C1orf185: variants seen among roughly 807,000 people sequenced by gnomAD.
C1orf185 encodes the protein chromosome 1 open reading frame 185.
Under a neutral mutation model 16.1 loss-of-function variants are expected in C1orf185, and 13 were observed. The ratio of observed to expected loss-of-function variants is 0.81; its 90% CI spans 0.53 to 1.28. C1orf185 has a LOEUF of 1.28. C1orf185 is among the 50% of genes most tolerant of loss of function. The probability of loss-of-function intolerance (pLI) is 0.00; values close to 1 mark genes in which losing one functional copy is unlikely to be tolerated. For synonymous variants in C1orf185, 80 were observed against 76.9 expected, an observed-to-expected ratio of 1.04 and a Z score of -0.21; for missense variants, 220 against 225.2, an observed-to-expected ratio of 0.98 and a Z score of 0.15.
At chr1:51,117,727 T>C (rs982575189) in intron 2 of C1orf185, among the ~76,000 whole-genome samples, 1 of 152,190 alleles carries the variant, frequency 6.6e-6, no homozygotes, top group Non-Finnish European at 1.5e-5. Context: ...AATATTCCAT[T>C]GTTCTTTAAA....
At chr1:51,120,051 G>T (rs2148016375) in intron 3 of C1orf185, among the ~76,000 whole-genome samples, 1 of 152,274 alleles carries the variant, frequency 6.6e-6, no homozygotes, top group African/African-American at 2.4e-5. Context: ...GAAATGAAGA[G>T]AAGTTTGTCG....
Position 51,127,587 on chromosome 1 carries a change from C to G in C1orf185, c.258+8786C>G, listed in dbSNP as rs555494203. On this transcript the variant is annotated intron_variant, in intron 3 of 4. Coordinates refer to ENST00000371759, the MANE Select transcript of C1orf185 (RefSeq NM_001136508.2). ...AGGTGTGAGCCACTGCGCCCAGCAG[C>G]TTTCTGATTTCTGACAAGGTTTAGT... Among the ~76,000 whole-genome samples, 5 of 151,990 alleles carry G rather than the reference C, an allele frequency of 3.3e-5. No homozygotes were observed. The South Asian group carries it at 1.0e-3, about 32-fold the overall frequency.
intron 3 of C1orf185, among the ~76,000 whole-genome samples, chr1:51,144,874 T>C (rs2148033836): frequency 6.6e-6 from 1 of 152,200 alleles, no homozygotes; most frequent in Non-Finnish European, 1.5e-5. Flanking sequence ...ACTCACTCCA[T>C]CCCAAACGCT....
chr1:51,112,616 T>C (rs1646129721), intron 2 of C1orf185, 47 bp downstream of exon 2: 1 of 1,431,428 alleles, frequency 7.0e-7, no homozygotes, highest in African/African-American at 1.5e-5. Flanking sequence ...CTTTTAAAAA[T>C]TCAATAAAGG....
intron 2 of C1orf185, among the ~76,000 whole-genome samples, chr1:51,116,100 A>C (rs1264209581): frequency 6.6e-6 from 1 of 152,080 alleles, no homozygotes; most frequent in African/African-American, 2.4e-5. Context: ...AACTATCACT[A>C]AATTCTATTT....
chr1:51,117,692 C>A lies in C1orf185; in HGVS notation c.123-974C>A, dbSNP rs534242798. Among the ~76,000 whole-genome samples the A allele has an allele frequency of 3.3e-5, 5 of 152,266 alleles. No individual in the cohort carries two copies. The South Asian group carries it at 1.0e-3, about 32-fold the overall frequency. On this transcript the variant is annotated intron_variant, in intron 2 of 4. Coordinates refer to ENST00000371759, the MANE Select transcript of C1orf185 (RefSeq NM_001136508.2). ...CATGTCTTTTCATGCCTTAATAGCTCATTTCTTTCTTTTCAATACTGAAAA... is the reference window on the plus strand; with the variant it reads ...CATGTCTTTTCATGCCTTAATAGCTAATTTCTTTCTTTTCAATACTGAAAA...
chr1:51,108,027 T>G (rs1646086774), intron 1 of C1orf185, among the ~76,000 whole-genome samples: 1 of 152,222 alleles, frequency 6.6e-6, no homozygotes, highest in Non-Finnish European at 1.5e-5. Context: ...AATTGCTGGA[T>G]CGTAAGTATG....
intron 1 of C1orf185, 66 bp downstream of exon 1, chr1:51,102,315 G>T: frequency 1.4e-6 from 1 of 700,994 alleles, no homozygotes; most frequent in South Asian, 1.5e-5. Flanking sequence ...ATATTTAGAC[G>T]AACAACCAGA....
chr1:51,143,909 C>G (rs1646382919), intron 3 of C1orf185, among the ~76,000 whole-genome samples: 5 of 152,270 alleles, frequency 3.3e-5, no homozygotes, highest in Admixed American at 3.3e-4. Context: ...GCCACTGCAC[C>G]CAGCCATAAG....
chr1:51,103,881 G>A (rs557002428), intron 1 of C1orf185, among the ~76,000 whole-genome samples: 4 of 152,080 alleles, frequency 2.6e-5, no homozygotes, highest in Non-Finnish European at 5.9e-5. Context: ...ATTGCTTGCT[G>A]TAATTCTGTG....
chr1:51,115,205 G>A lies in C1orf185; in HGVS notation c.122+2636G>A, dbSNP rs181029473. Among the ~76,000 whole-genome samples, 22 of 152,162 alleles carry A rather than the reference G, an allele frequency of 1.4e-4. 1 individual carries two copies. In the East Asian group the frequency reaches 2.7e-3, roughly 19 times the overall value. ...GTACAAAAATTAATCGGGCATGGTC[G>A]TTCATGCCTGTAATCCCAGCTACTC... On this transcript the variant is annotated intron_variant, in intron 2 of 4. Coordinates refer to ENST00000371759, the MANE Select transcript of C1orf185 (RefSeq NM_001136508.2).
intron 3 of C1orf185, among the ~76,000 whole-genome samples, chr1:51,128,331 A>T (rs1646257127): frequency 6.6e-6 from 1 of 152,160 alleles, no homozygotes; most frequent in South Asian, 2.1e-4. Context: ...AATAAGTGAG[A>T]GTTTCAATTT....
chr1:51,131,954 G>A (rs1216748677), intron 3 of C1orf185, among the ~76,000 whole-genome samples: 1 of 152,174 alleles, frequency 6.6e-6, no homozygotes. Context: ...CCCAGTGCAA[G>A]TACCTTAGAG....
chr1:51,143,289 C>T (rs914406987), intron 3 of C1orf185, among the ~76,000 whole-genome samples: 13 of 152,178 alleles, frequency 8.5e-5, no homozygotes, highest in African/African-American at 3.1e-4. Flanking sequence ...TAAACTGTAG[C>T]AAAATGGTGA....
At chr1:51,124,769 A>G (rs974294989) in intron 3 of C1orf185, among the ~76,000 whole-genome samples, 1 of 152,208 alleles carries the variant, frequency 6.6e-6, no homozygotes, top group African/African-American at 2.4e-5. Flanking sequence ...AGTGTCTTGT[A>G]TTAATGAGCA....
At chr1:51,145,833 G>A (rs961367687) in intron 4 of C1orf185, 73 bp downstream of exon 4, 10 of 770,122 alleles carry the variant, frequency 1.3e-5, no homozygotes, top group Non-Finnish European at 1.9e-5. Context: ...GAAATCAAGA[G>A]GCTATCCTAA....
chr1:51,123,129 G>A (rs139367245), intron 3 of C1orf185, among the ~76,000 whole-genome samples: 60 of 152,326 alleles, frequency 3.9e-4, no homozygotes, highest in Admixed American at 8.5e-4. Flanking sequence ...AAGGGGCTGA[G>A]TGTGCTAGTT....
At chr1:51,150,661 G>A (rs1287938359), downstream of C1orf185, among the ~76,000 whole-genome samples, 1 of 152,174 alleles carries the variant, frequency 6.6e-6, no homozygotes, top group Non-Finnish European at 1.5e-5. Context: ...AAGGATCTGA[G>A]ATTTCACTCT....
Position 51,118,810 on chromosome 1 carries a change from T to A in C1orf185, c.258+9T>A. ...GGAGATTCCAATTACAGGTAGGGTG[T>A]AATATTTTATAGTAATCTTTTCAAA... is the stretch of plus-strand genomic sequence containing the variant. On this transcript the variant is annotated intron_variant, in intron 3 of 4. Transcript: ENST00000371759. 1 of 1,404,280 alleles carries A rather than the reference T, an allele frequency of 7.1e-7. No homozygotes were observed. Among genetic ancestry groups the A allele is most frequent in the Non-Finnish European group, 9.4e-7 (1 of 1,061,138 alleles). The allele number at this position is 1,404,280 out of a possible 1,614,324, so 87.0% of individuals were successfully genotyped here. A position where few individuals can be genotyped will look rare whatever the true frequency, so the allele number is the denominator to read the frequency against.
Sources: gnomAD v4.1 joint callset for allele counts (sites outside exome capture counted in the v4.1 genomes callset) on GRCh38, gnomAD v4.1.1 for gene constraint, MANE v1.5 for transcripts, NCBI Gene and HGNC (gene_info 2026-07-23, HGNC 2026-07-21) for gene names.